RPH3AL: variants seen among roughly 807,000 people sequenced by gnomAD.
RPH3AL encodes rabphilin 3A like (without C2 domains).
A neutral mutation model predicts 43.1 loss-of-function variants in RPH3AL; 38 were observed. That is an observed-to-expected ratio of 0.88 (90% CI 0.68 to 1.15). The LOEUF (loss-of-function observed/expected upper bound fraction) is 1.15. Among genes scored for constraint, RPH3AL ranks in the 50% most tolerant of loss-of-function variants. The pLI is 0.00. For missense variants in RPH3AL, 462 were observed against 423.2 expected, an observed-to-expected ratio of 1.09 and a Z score of -0.81; for synonymous variants, 189 against 176.3, an observed-to-expected ratio of 1.07 and a Z score of -0.57.
chr17:279,336 C>T (rs1310587194), intron 6 of RPH3AL, among the ~76,000 whole-genome samples: 1 of 152,164 alleles, frequency 6.6e-6, no homozygotes. Context: ...GCTAACCGTG[C>T]ACCATATGCC....
intron 6 of RPH3AL, among the ~76,000 whole-genome samples, chr17:258,714 T>A (rs1014494003): frequency 6.6e-6 from 1 of 151,680 alleles, no homozygotes; most frequent in African/African-American, 2.4e-5. Context: ...AAGCATCAGG[T>A]TGGATTGCCA....
chr17:314,047 C>T (rs2043738549), intron 5 of RPH3AL, among the ~76,000 whole-genome samples: 1 of 152,202 alleles, frequency 6.6e-6, no homozygotes, highest in Non-Finnish European at 1.5e-5. Context: ...TCCAGAGTAG[C>T]GTGGGGACCC....
chr17:333,110 C>T lies in RPH3AL; in HGVS notation c.-37+649G>A, dbSNP rs1205493304. On this transcript the variant is annotated intron_variant, in intron 2 of 9. Coordinates refer to ENST00000331302, the MANE Select transcript of RPH3AL (RefSeq NM_006987.4). This position sits in a 1 kb window ranked among gnomAD's most constrained non-coding sequence, Gnocchi z 4.5. Reference sequence around the variant, plus strand: ...AGCTCACCACCCCGGGCGTTCGTCACTGCAGACATCACTGCAGACACAGAG... The same window carrying T: ...AGCTCACCACCCCGGGCGTTCGTCATTGCAGACATCACTGCAGACACAGAG... 7.8e-7 allele frequency: 1 copy of T among 1,281,956 alleles called. No individual in the cohort carries two copies. The highest frequency in any genetic ancestry group is 2.4e-5 in the Admixed American group (1 of 42,314). The allele number at this position is 1,281,956 out of a possible 1,614,324, so 79.4% of individuals were successfully genotyped here. A position where few individuals can be genotyped will look rare whatever the true frequency, so the allele number is the denominator to read the frequency against.
intron 5 of RPH3AL, among the ~76,000 whole-genome samples, chr17:317,455 C>G (rs1555521402): frequency 1.3e-5 from 2 of 151,104 alleles, no homozygotes; most frequent in African/African-American, 2.4e-5. Flanking sequence ...TGTGCCCCCA[C>G]CTCCATTGAC....
chr17:338,711 T>A (rs763325550), intron 1 of RPH3AL: 1 of 152,144 alleles, frequency 6.6e-6, no homozygotes, highest in Non-Finnish European at 1.5e-5. Flanking sequence ...TTACGTGATG[T>A]ATGTGGGTCT....
Position 247,103 on chromosome 17 carries a change from G to A in RPH3AL, c.613+8C>T, listed in dbSNP as rs1308457304. ...GGCCATCCTGGGAGAGAGGCAGAGG[G>A]GACTTACCTCTTCCTCGGGCCCACG... On this transcript the variant is annotated splice_region_variant and intron_variant, in intron 7 of 9. Transcript: ENST00000331302. 2.5e-6 allele frequency: 4 copies of A among 1,613,928 alleles called. No individual in the cohort carries two copies. Among genetic ancestry groups the A allele is most frequent in the Non-Finnish European group, 3.4e-6 (4 of 1,179,932 alleles).
intron 5 of RPH3AL, among the ~76,000 whole-genome samples, chr17:301,790 G>T (rs970931174): frequency 1.3e-5 from 2 of 152,176 alleles, no homozygotes; most frequent in African/African-American, 2.4e-5. Flanking sequence ...TGTAGGCAAA[G>T]TTCTGACCCG....
In RPH3AL at chr17:272,952, AGGG is replaced by A. The variant is rs1567604258; in HGVS notation, c.438+8813_438+8815del. ...GCGACATCAGGGAGAGACCCCAGCA[AGGG>A]CTACGTCAGGGTGAGACCCCAGCAA... On this transcript the variant is annotated intron_variant, in intron 6 of 9. Coordinates refer to ENST00000331302, the MANE Select transcript of RPH3AL (RefSeq NM_006987.4). Among the ~76,000 whole-genome samples the A allele has an allele frequency of 1.1e-4, 4 of 37,544 alleles. No homozygotes were observed. The Admixed American group carries it at 1.3e-3, about 12-fold the overall frequency. The allele number at this position is 37,544 out of a possible 152,430, so 24.6% of individuals were successfully genotyped here.
chr17:219,526 CTTTTTTT>C, intron 8 of RPH3AL, 90 bp downstream of exon 8: 1 of 143,872 alleles, frequency 7.0e-6, no homozygotes. Context: ...CTTTTTCTTC[CTTTTTTT>C]TTTTTTTTTG....
intron 5 of RPH3AL, among the ~76,000 whole-genome samples, chr17:299,522 A>G (rs1002123689): frequency 6.6e-6 from 1 of 152,208 alleles, no homozygotes; most frequent in Admixed American, 6.5e-5. Flanking sequence ...CATCAGCAGA[A>G]GAGCTGCCCC....
chr17:281,664 G>GCCCCCCCCCCCCCCCCCCCCC, intron 6 of RPH3AL, 104 bp downstream of exon 6: 1 of 574,676 alleles, frequency 1.7e-6, no homozygotes. Flanking sequence ...AGCGTATCCA[G>GCCCCCCCCCCCCCCCCCCCCC]CCCGCCCAGC....
chr17:300,236 C>A (rs1309546136), intron 5 of RPH3AL, among the ~76,000 whole-genome samples: 1 of 97,334 alleles, frequency 1.0e-5, no homozygotes, highest in Admixed American at 9.8e-5. Context: ...AGGGGCTGGC[C>A]CAGCCTAGGC....
rs1447048354 is a variant in RPH3AL at position 213,650 on chromosome 17, G to C, written c.*202C>G. The C allele has an allele frequency of 3.3e-6, 2 of 606,564 alleles. No individual in the cohort carries two copies. The highest frequency in any genetic ancestry group is 3.0e-6 in the Non-Finnish European group (1 of 337,664). The allele number at this position is 606,564 out of a possible 1,614,324, so 37.6% of individuals were successfully genotyped here. On this transcript the variant is annotated 3_prime_UTR_variant, in exon 10 of 10. Transcript: ENST00000331302. ...GGGGGCTGAGGGCAGTGGTTGGAGGGGGTGGCGGATGCAGACAGCTCCCCA... is the reference window on the plus strand; with the variant it reads ...GGGGGCTGAGGGCAGTGGTTGGAGGCGGTGGCGGATGCAGACAGCTCCCCA...
intron 7 of RPH3AL, among the ~76,000 whole-genome samples, chr17:242,814 A>C (rs1360307914): frequency 4.1e-5 from 5 of 122,278 alleles, no homozygotes; most frequent in South Asian, 2.9e-4. Context: ...TCTATTGATT[A>C]CCTTCCTCTA....
intron 6 of RPH3AL, among the ~76,000 whole-genome samples, chr17:269,552 C>G (rs773256223): frequency 6.6e-6 from 1 of 152,196 alleles, no homozygotes. Context: ...TGGAGGAAGA[C>G]GCATCCGGCT....
rs1471992951 is a variant in RPH3AL at position 246,292 on chromosome 17, T to C, written c.613+819A>G. 6.6e-6 allele frequency among the ~76,000 whole-genome samples: 1 copy of C among 152,142 alleles called. No homozygotes were observed. The highest frequency in any genetic ancestry group is 2.4e-5 in the African/African-American group (1 of 41,506). On this transcript the variant is annotated intron_variant, in intron 7 of 9. Transcript: ENST00000331302. This position sits in a 1 kb window ranked among gnomAD's most constrained non-coding sequence, Gnocchi z 4.8. ...AACGAGCCTCCCTCACCCCTCTGCCTGCCGTCTCATCTAAGACCCTCAGAC... is the reference window on the plus strand; with the variant it reads ...AACGAGCCTCCCTCACCCCTCTGCCCGCCGTCTCATCTAAGACCCTCAGAC...
intron 6 of RPH3AL, among the ~76,000 whole-genome samples, chr17:249,609 T>C (rs2041839496): frequency 6.6e-6 from 1 of 151,708 alleles, no homozygotes; most frequent in African/African-American, 2.4e-5. Flanking sequence ...TTCTGAGACA[T>C]TGCTTCCCAC....
At chr17:263,634 C>T (rs1194921030) in intron 6 of RPH3AL, among the ~76,000 whole-genome samples, 2 of 152,178 alleles carry the variant, frequency 1.3e-5, no homozygotes, top group Non-Finnish European at 2.9e-5. Flanking sequence ...CACGGTAGGT[C>T]GACTCGTGGG....
intron 5 of RPH3AL, among the ~76,000 whole-genome samples, chr17:314,337 C>A (rs944608443): frequency 1.3e-5 from 2 of 151,916 alleles, no homozygotes; most frequent in East Asian, 3.9e-4. Context: ...AAGCACACTG[C>A]CAGCTCCCGT....
Sources: allele counts gnomAD v4.1 joint callset (sites outside exome capture counted in the v4.1 genomes callset), GRCh38; gene constraint gnomAD v4.1.1; non-coding constraint Gnocchi (gnomAD v3.1); transcripts MANE v1.5; gene names NCBI Gene and HGNC (gene_info 2026-07-23, HGNC 2026-07-21).